Variants in COG5 observed in about 807,000 individuals in gnomAD.
COG5 encodes the protein component of oligomeric golgi complex 5, also known as conserved oligomeric Golgi complex subunit 5.
A neutral mutation model predicts 110.4 loss-of-function variants in COG5; 86 were observed. That is an observed-to-expected ratio of 0.78 (90% CI 0.65 to 0.93). The LOEUF is 0.93. Ranked by LOEUF, COG5 falls within the 40% of genes least tolerant of loss-of-function variation. The pLI, the probability that COG5 is intolerant of heterozygous loss-of-function variation, is 0.00. For missense variants in COG5, 1,077 were observed against 987.0 expected, an observed-to-expected ratio of 1.09 and a Z score of -1.22; for synonymous variants, 360 against 334.6, an observed-to-expected ratio of 1.08 and a Z score of -0.83.
chr7:107,374,142 C>T (rs1814430079), intron 7 of COG5, among the ~76,000 whole-genome samples: 1 of 151,884 alleles, frequency 6.6e-6, no homozygotes, highest in Non-Finnish European at 1.5e-5. Flanking sequence ...GTTGTAAATT[C>T]TCTATTAACG....
chr7:107,558,762 C>A (rs181215072), intron 1 of COG5, among the ~76,000 whole-genome samples: 1 of 151,234 alleles, frequency 6.6e-6, no homozygotes, highest in African/African-American at 2.4e-5. Context: ...GTGGTGGGCG[C>A]CTGTAGTCCC....
At chr7:107,394,402 T>C (rs1790841995) in intron 7 of COG5, among the ~76,000 whole-genome samples, 2 of 152,296 alleles carry the variant, frequency 1.3e-5, no homozygotes, top group Non-Finnish European at 1.5e-5. Flanking sequence ...ATAATTATGA[T>C]GTGATTTTTT....
At chr7:107,248,770 A>T (rs1380192928) in intron 16 of COG5, among the ~76,000 whole-genome samples, 2 of 152,190 alleles carry the variant, frequency 1.3e-5, no homozygotes, top group African/African-American at 2.4e-5. Flanking sequence ...CCCATGAAAA[A>T]GGGAAGGCAT....
In COG5 at chr7:107,558,214, T is replaced by C. The variant is rs953754788; in HGVS notation, c.95-99A>G. ...TATAATCATAATTAACATATTTTGA[T>C]CCCATACTCTGAACCACTCCACTAT... is the stretch of plus-strand genomic sequence containing the variant. On this transcript the variant is annotated intron_variant, in intron 1 of 21. Transcript: ENST00000297135. 151 of 1,269,036 alleles carry C rather than the reference T, an allele frequency of 1.2e-4. 1 individual carries two copies. Among genetic ancestry groups the C allele is most frequent in the Non-Finnish European group, 1.6e-4 (144 of 891,540 alleles). 78.6% of individuals were successfully genotyped at this position (1,269,036 alleles called of 1,614,324 possible).
chr7:107,442,476 C>T (rs886151518), intron 6 of COG5, among the ~76,000 whole-genome samples: 2 of 143,372 alleles, frequency 1.4e-5, no homozygotes, highest in Non-Finnish European at 1.5e-5. Context: ...CAGGAGTAAC[C>T]CACAGGTTTT....
At chr7:107,390,005 G>A (rs150543156) in intron 7 of COG5, among the ~76,000 whole-genome samples, 140 of 152,214 alleles carry the variant, frequency 9.2e-4, no homozygotes, top group African/African-American at 2.7e-3. Flanking sequence ...TTTGTGACCC[G>A]GGTGCAAGAA....
intron 16 of COG5, among the ~76,000 whole-genome samples, chr7:107,255,005 A>C (rs1351205064): frequency 6.6e-6 from 1 of 152,228 alleles, no homozygotes; most frequent in East Asian, 1.9e-4. Context: ...TGTATCAATT[A>C]TGTGTATAGA....
chr7:107,435,870 T>C (rs1794333088), intron 6 of COG5, among the ~76,000 whole-genome samples: 1 of 152,110 alleles, frequency 6.6e-6, no homozygotes, highest in Non-Finnish European at 1.5e-5. Context: ...ATATTCACAA[T>C]AGCCATGAGG....
At position 107,474,494 on chromosome 7, in the gene COG5, T is replaced by C; in HGVS notation, c.538+52743A>G. The C allele has an allele frequency of 6.2e-7, 1 of 1,613,226 alleles. No homozygotes were observed. Among genetic ancestry groups the C allele is most frequent in the Non-Finnish European group, 8.5e-7 (1 of 1,179,462 alleles). ...ACTTTGGACAGATATGACATCTCTG[T>C]AAAACCTGCAAACCGAATTCTGACA... On this transcript the variant is annotated intron_variant, in intron 6 of 21. Coordinates refer to ENST00000297135, the MANE Select transcript of COG5 (RefSeq NM_006348.5). This position sits in a 1 kb window ranked among gnomAD's most constrained non-coding sequence, Gnocchi z 5.7.
chr7:107,295,224 A>T (rs190998328), intron 12 of COG5, among the ~76,000 whole-genome samples: 1 of 148,448 alleles, frequency 6.7e-6, no homozygotes, highest in African/African-American at 2.5e-5. Context: ...GGCGTGAGCC[A>T]CCACACCGTA....
At chr7:107,485,192 G>A (rs541923563) in intron 6 of COG5, among the ~76,000 whole-genome samples, 2 of 152,180 alleles carry the variant, frequency 1.3e-5, no homozygotes, top group African/African-American at 2.4e-5. Context: ...CTAAAATCTC[G>A]AGAATGCCAC....
chr7:107,421,689 GGGGGAT>G (rs1408745624), intron 6 of COG5, among the ~76,000 whole-genome samples: 1 of 151,584 alleles, frequency 6.6e-6, no homozygotes, highest in East Asian at 1.9e-4. Flanking sequence ...ACCTGGGGGC[GGGGGAT>G]GGGGAGGTTG....
chr7:107,206,560 C>T (rs1346795501), intron 21 of COG5, among the ~76,000 whole-genome samples: 3 of 152,210 alleles, frequency 2.0e-5, no homozygotes, highest in Non-Finnish European at 4.4e-5. Flanking sequence ...TCCCCAAGGG[C>T]TCATCTGTCT....
chr7:107,486,905 G>A (rs1245570682), intron 6 of COG5, among the ~76,000 whole-genome samples: 1 of 152,128 alleles, frequency 6.6e-6, no homozygotes, highest in Non-Finnish European at 1.5e-5. Context: ...TAGTCTATGT[G>A]ACAGTAAATG....
intron 14 of COG5, among the ~76,000 whole-genome samples, chr7:107,266,087 C>T (rs577559618): frequency 4.0e-5 from 6 of 151,876 alleles, no homozygotes; most frequent in South Asian, 4.2e-4. Flanking sequence ...TACACACACA[C>T]GTGTGTGTGA....
chr7:107,397,312 G>A (rs532185569), intron 7 of COG5, among the ~76,000 whole-genome samples: 1 of 152,278 alleles, frequency 6.6e-6, no homozygotes, highest in South Asian at 2.1e-4. Context: ...TTGTGACCAT[G>A]ATGGGACAAG....
intron 7 of COG5, among the ~76,000 whole-genome samples, chr7:107,389,966 A>G (rs1329313041): frequency 6.6e-6 from 1 of 152,182 alleles, no homozygotes; most frequent in East Asian, 1.9e-4. Context: ...AAGGGAACCA[A>G]TATTTCTATT....
rs901201466 is a variant in COG5 at position 107,452,163 on chromosome 7, T to C, written c.539-39531A>G. Among the ~76,000 whole-genome samples the C allele has an allele frequency of 5.3e-5, 8 of 152,290 alleles. No homozygotes were observed. The South Asian group carries it at 8.3e-4, about 16-fold the overall frequency. On this transcript the variant is annotated intron_variant, in intron 6 of 21. Coordinates refer to ENST00000297135, the MANE Select transcript of COG5 (RefSeq NM_006348.5). ...GCTACTCCCTTAATTCTTATCACCA[T>C]GAACTCTTGCCTGGCATACTGGACT...
At chr7:107,537,289 C>T (rs1456381476) in intron 5 of COG5, among the ~76,000 whole-genome samples, 2 of 152,154 alleles carry the variant, frequency 1.3e-5, no homozygotes, top group African/African-American at 2.4e-5. Context: ...TACACACACA[C>T]GTATGTTTAC....
Sources: allele counts gnomAD v4.1 joint callset (sites outside exome capture counted in the v4.1 genomes callset), GRCh38; gene constraint gnomAD v4.1.1; non-coding constraint Gnocchi (gnomAD v3.1); transcripts MANE v1.5; gene names NCBI Gene and HGNC (gene_info 2026-07-23, HGNC 2026-07-21).